Variants in CNTNAP3 observed in about 807,000 individuals in gnomAD.
The protein encoded by CNTNAP3 is contactin-associated protein-like 3.
In CNTNAP3, 36 loss-of-function variants were observed where a neutral mutation model predicts 92.1. The ratio of observed to expected loss-of-function variants is 0.39; its 90% CI spans 0.30 to 0.52. The LOEUF (loss-of-function observed/expected upper bound fraction) is 0.52. CNTNAP3 is among the 20% of genes least tolerant of loss of function. The pLI, the probability that CNTNAP3 is intolerant of heterozygous loss-of-function variation, is 0.76. For missense variants in CNTNAP3, 534 were observed against 1,069.6 expected (o/e 0.50, Z 6.98); for synonymous variants, 232 against 422.3 (o/e 0.55, Z 5.53).
At chr9:39,133,168 T>C in intron 12 of CNTNAP3, 33 bp from the exon 13 acceptor site, 1 of 1,555,888 alleles carries the variant, frequency 6.4e-7, no homozygotes, top group Non-Finnish European at 8.7e-7. Context: ...GAGGCATCAC[T>C]GGACGGCAGA....
chr9:39,065,860 T>A lies in CNTNAP3; in HGVS notation c.*8030A>T, dbSNP rs489925. Among the ~76,000 whole-genome samples the A allele has an allele frequency of 0.018, 2,205 of 120,382 alleles. No individual in the cohort carries two copies. Among genetic ancestry groups the A allele is most frequent in the Non-Finnish European group, 0.023 (1,213 of 52,354 alleles). 79.0% of individuals were successfully genotyped at this position (120,382 alleles called of 152,430 possible). A position where few individuals can be genotyped will look rare whatever the true frequency, so the allele number is the denominator to read the frequency against. On this transcript the variant is annotated 3_prime_UTR_variant, in exon 24 of 24. Coordinates refer to ENST00000297668, the MANE Select transcript of CNTNAP3 (RefSeq NM_033655.5). ...TTTATGAACTATATTCTGAAAAAAA[T>A]TTACAGCATTCAAATAAAGTGTTGC...
At chr9:39,080,923 C>T (rs2118394711) in intron 21 of CNTNAP3, among the ~76,000 whole-genome samples, 1 of 140,120 alleles carries the variant, frequency 7.1e-6, no homozygotes, top group East Asian at 2.3e-4. Context: ...CCTCGGCCTC[C>T]CAAAGTGTCA....
intron 21 of CNTNAP3, among the ~76,000 whole-genome samples, chr9:39,080,989 A>G (rs2118394876): frequency 7.0e-6 from 1 of 141,948 alleles, no homozygotes; most frequent in Middle Eastern, 3.5e-3. Context: ...AACCCTGAAT[A>G]AAAACCTTGA....
At chr9:39,074,671 A>G (rs1163838335) in intron 23 of CNTNAP3, among the ~76,000 whole-genome samples, 1 of 152,218 alleles carries the variant, frequency 6.6e-6, no homozygotes, top group Admixed American at 6.5e-5. Flanking sequence ...TTACAAGTAT[A>G]GAGTGTTTGC....
rs973847365 is a variant in CNTNAP3 at position 39,105,417 on chromosome 9, T to A, written c.2366-1503A>T. Among the ~76,000 whole-genome samples, 146 of 152,172 alleles carry A rather than the reference T, an allele frequency of 9.6e-4. 2 individuals are homozygous for A. The highest frequency in any genetic ancestry group is 3.5e-3 in the Admixed American group (53 of 15,276). The stretch of plus-strand genomic sequence containing the variant: ...ACTCCAGCCTGGGTGACAGAGCAAC[T>A]CTCCATCTCAAAAACAAACAAACAA... On this transcript the variant is annotated intron_variant, in intron 15 of 23. Transcript: ENST00000297668.
At chr9:39,118,386 T>A in intron 13 of CNTNAP3, 127 bp from the exon 14 acceptor site, 1 of 1,316,424 alleles carries the variant, frequency 7.6e-7, no homozygotes, top group Non-Finnish European at 1.0e-6. Flanking sequence ...AATGAAACTA[T>A]ACTTAAATAC....
intron 13 of CNTNAP3, among the ~76,000 whole-genome samples, chr9:39,123,996 G>A (rs908094181): frequency 1.6e-4 from 25 of 152,048 alleles, no homozygotes; most frequent in African/African-American, 5.6e-4. Flanking sequence ...AGAAAGGTAG[G>A]AGCATTAGAG....
intron 14 of CNTNAP3, among the ~76,000 whole-genome samples, chr9:39,117,234 C>T (rs1820880522): frequency 6.6e-6 from 1 of 151,994 alleles, no homozygotes; most frequent in Non-Finnish European, 1.5e-5. Flanking sequence ...TCAGGTGATC[C>T]ACCTGCCTTG....
intron 18 of CNTNAP3, among the ~76,000 whole-genome samples, chr9:39,089,306 CGT>C (rs1826137631): frequency 7.0e-6 from 1 of 142,710 alleles, no homozygotes; most frequent in Non-Finnish European, 1.5e-5. Flanking sequence ...AATCATATAA[CGT>C]GTGGTCTTTT....
intron 17 of CNTNAP3, among the ~76,000 whole-genome samples, 191 bp from the exon 18 acceptor site, chr9:39,100,341 C>T (rs6476771): frequency 0.4 from 61,135 of 152,046 alleles, 13,525 homozygotes; most frequent in African/African-American, 0.57. Context: ...GAATAAAACA[C>T]TTATTTACAT....
intron 18 of CNTNAP3, among the ~76,000 whole-genome samples, chr9:39,098,295 C>T (rs1826371931): frequency 6.7e-6 from 1 of 150,122 alleles, no homozygotes; most frequent in Non-Finnish European, 1.5e-5. Context: ...TACACACATA[C>T]ACATACACAC....
intron 9 of CNTNAP3, among the ~76,000 whole-genome samples, chr9:39,151,047 T>C (rs991492003): frequency 6.8e-5 from 10 of 147,190 alleles, no homozygotes; most frequent in African/African-American, 2.3e-4. Context: ...AAGTACACAC[T>C]CTAGTTAAAG....
intron 21 of CNTNAP3, among the ~76,000 whole-genome samples, chr9:39,083,926 T>C (rs1826006811): frequency 6.6e-6 from 1 of 151,820 alleles, no homozygotes; most frequent in Admixed American, 6.6e-5. Flanking sequence ...CTTCATTCAC[T>C]AAGACTACTC....
At chr9:39,147,031 T>C (rs1563892210) in intron 10 of CNTNAP3, among the ~76,000 whole-genome samples, 2 of 152,174 alleles carry the variant, frequency 1.3e-5, no homozygotes, top group African/African-American at 2.4e-5. Flanking sequence ...GTTCTCATGA[T>C]AGTGAATAAG....
intron 12 of CNTNAP3, among the ~76,000 whole-genome samples, chr9:39,136,139 TAATAATAATAATAATAATAATAATAAA>T (rs1464510845): frequency 1.4e-5 from 2 of 145,964 alleles, no homozygotes; most frequent in East Asian, 4.1e-4. Context: ...AAAATAATAA[TAATAATAATAATAATAATAATAATAAA>T]AATAATAGTT....
rs568917123 is a variant in CNTNAP3 at position 39,131,736 on chromosome 9, G to C, written c.2080+1196C>G. 1.4e-4 allele frequency among the ~76,000 whole-genome samples: 21 copies of C among 152,274 alleles called. No homozygotes were observed. The East Asian group carries it at 4.1e-3, about 29-fold the overall frequency. ...AGCTATTCGGGAGGCTGAGGCAGGA[G>C]AATCGCTTGAATCCGGGAGGGGAGG... On this transcript the variant is annotated intron_variant, in intron 13 of 23. Coordinates refer to ENST00000297668, the MANE Select transcript of CNTNAP3 (RefSeq NM_033655.5).
intron 15 of CNTNAP3, among the ~76,000 whole-genome samples, chr9:39,107,886 GA>G (rs1826645397): frequency 2.0e-5 from 3 of 152,238 alleles, no homozygotes; most frequent in South Asian, 4.1e-4. Flanking sequence ...TTTCATTTTA[GA>G]AAAAATTAAC....
intron 18 of CNTNAP3, among the ~76,000 whole-genome samples, chr9:39,097,773 T>C (rs2118465760): frequency 6.8e-6 from 1 of 147,284 alleles, no homozygotes; most frequent in Non-Finnish European, 1.5e-5. Context: ...GGAGAGGGTC[T>C]TGGCTTAAAT....
At chr9:39,111,682 T>C (rs546676683) in intron 14 of CNTNAP3, among the ~76,000 whole-genome samples, 19 of 152,268 alleles carry the variant, frequency 1.2e-4, no homozygotes, top group Non-Finnish European at 2.2e-4. Flanking sequence ...GATAGTCTAG[T>C]AGAGAAAATG....
Sources: gnomAD v4.1 joint callset for allele counts (sites outside exome capture counted in the v4.1 genomes callset) on GRCh38, gnomAD v4.1.1 for gene constraint, MANE v1.5 for transcripts, NCBI Gene and HGNC (gene_info 2026-07-23, HGNC 2026-07-21) for gene names.